RAP1A: variants seen among roughly 807,000 people sequenced by gnomAD.
RAP1A encodes the protein RAP1A, member of RAS oncogene family.
A neutral mutation model predicts 26.4 loss-of-function variants in RAP1A; 6 were observed. That is an observed-to-expected ratio of 0.23 (90% CI 0.12 to 0.45). RAP1A has a LOEUF of 0.45. Ranked by LOEUF, RAP1A falls within the 20% of genes least tolerant of loss-of-function variation. RAP1A has a pLI of 0.99. For missense variants in RAP1A, 121 were observed against 217.2 expected (o/e 0.56, Z 2.78); for synonymous variants, 73 against 79.4 (o/e 0.92, Z 0.43).
intron 1 of RAP1A, among the ~76,000 whole-genome samples, chr1:111,651,705 G>A (rs548589021): frequency 6.6e-6 from 1 of 152,044 alleles, no homozygotes; most frequent in African/African-American, 2.4e-5. Context: ...TTGAACTCCT[G>A]ACCTCAAGTG....
chr1:111,634,835 G>A (rs1489658672), intron 1 of RAP1A, among the ~76,000 whole-genome samples: 1 of 151,876 alleles, frequency 6.6e-6, no homozygotes, highest in African/African-American at 2.4e-5. Flanking sequence ...AGTAGAGACG[G>A]GGTTTCACCA....
At chr1:111,649,034 G>A (rs1660172308) in intron 1 of RAP1A, 2 of 621,934 alleles carry the variant, frequency 3.2e-6, no homozygotes, top group South Asian at 2.8e-5. Flanking sequence ...GGAGTCCGTG[G>A]ATGTCACTCT....
intron 1 of RAP1A, among the ~76,000 whole-genome samples, chr1:111,572,265 T>C (rs1413079202): frequency 1.3e-5 from 2 of 152,334 alleles, no homozygotes; most frequent in Admixed American, 6.5e-5. Flanking sequence ...TCTTTTCTCC[T>C]CAAGATGGCA....
chr1:111,678,760 G>A (rs1661204619), intron 1 of RAP1A, among the ~76,000 whole-genome samples: 1 of 145,922 alleles, frequency 6.9e-6, no homozygotes, highest in Admixed American at 6.7e-5. Flanking sequence ...CTGTTCAGGT[G>A]GGTTTTTTTT....
At chr1:111,620,467 G>A (rs1237788889) in intron 1 of RAP1A, among the ~76,000 whole-genome samples, 1 of 152,240 alleles carries the variant, frequency 6.6e-6, no homozygotes, top group Non-Finnish European at 1.5e-5. Context: ...CGGGGAACGG[G>A]GTTGGAGGGT....
At chr1:111,567,627 T>C (rs1657950929) in intron 1 of RAP1A, among the ~76,000 whole-genome samples, 1 of 152,208 alleles carries the variant, frequency 6.6e-6, no homozygotes, top group African/African-American at 2.4e-5. Context: ...GGTAGGACCC[T>C]GAGCTGATAG....
intron 6 of RAP1A, 76 bp from the exon 7 acceptor site, chr1:111,709,073 A>G (rs903122888): frequency 4.4e-5 from 67 of 1,516,098 alleles, no homozygotes; most frequent in Non-Finnish European, 5.7e-5. Flanking sequence ...CCAGAATAGT[A>G]CTTACCAGAA....
chr1:111,655,649 GTTCATAGTCTTTTTTT>G (rs1660430299), intron 1 of RAP1A, among the ~76,000 whole-genome samples: 1 of 121,248 alleles, frequency 8.2e-6, no homozygotes, highest in African/African-American at 3.1e-5. Context: ...CCTTAAAAAT[GTTCATAGTCTTTTTTT>G]TTTTTTTTTT....
intron 1 of RAP1A, among the ~76,000 whole-genome samples, chr1:111,591,263 C>A (rs2101066324): frequency 6.6e-6 from 1 of 152,126 alleles, no homozygotes; most frequent in East Asian, 1.9e-4. Flanking sequence ...TTTTATTAGT[C>A]TTTTCAAAGA....
At chr1:111,664,373 C>CAAAAAAAAAAAAAAAAAAAAAAAAAA (rs57610280) in intron 1 of RAP1A, among the ~76,000 whole-genome samples, 1 of 89,870 alleles carries the variant, frequency 1.1e-5, no homozygotes, top group Non-Finnish European at 2.1e-5. Context: ...GACTCCGTCT[C>CAAAAAAAAAAAAAAAAAAAAAAAAAA]AAAAAAAAAA....
chr1:111,662,910 T>TTTG (rs71099927), intron 1 of RAP1A, among the ~76,000 whole-genome samples: 9,560 of 151,930 alleles, frequency 0.063, 371 homozygotes, highest in South Asian at 0.091. Context: ...TCTCTTTGGT[T>TTTG]TTGTTGTTGT....
chr1:111,606,944 G>T lies in RAP1A; in HGVS notation c.-28+64435G>T, dbSNP rs137900451. On this transcript the variant is annotated intron_variant, in intron 1 of 7. Transcript: ENST00000356415. ...AGCACCTAATGTTTTTCTATTTAAT[G>T]ATATTAGAGAACAGTGAGGCCTTAC... Among the ~76,000 whole-genome samples the T allele has an allele frequency of 9.8e-3, 1,496 of 152,270 alleles. 21 individuals are homozygous for T. The highest frequency in any genetic ancestry group is 0.035 in the African/African-American group (1,444 of 41,552).
chr1:111,614,737 T>C (rs930684688), intron 1 of RAP1A, among the ~76,000 whole-genome samples: 1 of 152,250 alleles, frequency 6.6e-6, no homozygotes, highest in African/African-American at 2.4e-5. Flanking sequence ...GTATGGATGC[T>C]CTACAGATTT....
chr1:111,554,045 A>G (rs1368596444), intron 1 of RAP1A, among the ~76,000 whole-genome samples: 1 of 152,266 alleles, frequency 6.6e-6, no homozygotes, highest in African/African-American at 2.4e-5. Flanking sequence ...GGTTACGTGC[A>G]TATGCACTAA....
intron 1 of RAP1A, among the ~76,000 whole-genome samples, chr1:111,613,564 G>A (rs1281046203): frequency 6.6e-6 from 1 of 152,180 alleles, no homozygotes; most frequent in African/African-American, 2.4e-5. Context: ...CTAGGAAGAG[G>A]AGAAGTTGGG....
intron 4 of RAP1A, among the ~76,000 whole-genome samples, chr1:111,702,211 C>T (rs529545638): frequency 2.0e-5 from 3 of 152,190 alleles, no homozygotes; most frequent in Non-Finnish European, 4.4e-5. Context: ...TTTAATGCAT[C>T]CAGAGGTAAA....
chr1:111,558,747 A>C (rs927323826), intron 1 of RAP1A, among the ~76,000 whole-genome samples: 3 of 152,196 alleles, frequency 2.0e-5, no homozygotes, highest in Admixed American at 6.5e-5. Context: ...AATTTAAACT[A>C]TGTAAAGTAA....
At chr1:111,657,204 A>T (rs1370983525) in intron 1 of RAP1A, among the ~76,000 whole-genome samples, 1 of 152,246 alleles carries the variant, frequency 6.6e-6, no homozygotes, top group Non-Finnish European at 1.5e-5. Flanking sequence ...TTGAGTGCTG[A>T]CATGACACCA....
At chr1:111,619,767 T>TGCGC (rs1270373712), upstream of RAP1A, 1 of 395,898 alleles carries the variant, frequency 2.5e-6, no homozygotes, top group Non-Finnish European at 4.5e-6. Context: ...GGTGCGTGCG[T>TGCGC]GCGCGTTCTG....
Sources: allele counts gnomAD v4.1 joint callset (sites outside exome capture counted in the v4.1 genomes callset), GRCh38; gene constraint gnomAD v4.1.1; transcripts MANE v1.5; gene names NCBI Gene and HGNC (gene_info 2026-07-23, HGNC 2026-07-21).